Variants in TOP3A observed in about 807,000 individuals in gnomAD.
TOP3A encodes the protein DNA topoisomerase III alpha.
Under a neutral mutation model 111.3 loss-of-function variants are expected in TOP3A, and 64 were observed. The ratio of observed to expected loss-of-function variants is 0.57; its 90% CI spans 0.47 to 0.71. TOP3A has a LOEUF of 0.71. Ranked by LOEUF, TOP3A falls within the 30% of genes least tolerant of loss-of-function variation. The pLI, the probability that TOP3A is intolerant of heterozygous loss-of-function variation, is 0.00. For missense variants in TOP3A, 1,104 were observed against 1,285.0 expected, an observed-to-expected ratio of 0.86 and a Z score of 2.15; for synonymous variants, 484 against 485.1, an observed-to-expected ratio of 1.00 and a Z score of 0.03.
intron 4 of TOP3A, among the ~76,000 whole-genome samples, chr17:18,306,263 C>CT (rs1454866903): frequency 6.6e-6 from 1 of 152,156 alleles, no homozygotes; most frequent in Non-Finnish European, 1.5e-5. Flanking sequence ...GCCCTGACTG[C>CT]TTGACAACTG....
chr17:18,300,794 T>C (rs1325006400), intron 8 of TOP3A, among the ~76,000 whole-genome samples: 2 of 152,130 alleles, frequency 1.3e-5, no homozygotes, highest in Non-Finnish European at 2.9e-5. Flanking sequence ...AACAAATAAT[T>C]GTACAGTGTC....
chr17:18,287,277 T>C (rs1980162730), intron 13 of TOP3A, among the ~76,000 whole-genome samples: 1 of 152,068 alleles, frequency 6.6e-6, no homozygotes, highest in Non-Finnish European at 1.5e-5. Context: ...CTCAGGCCTA[T>C]AATCCCAGCA....
At chr17:18,290,785 A>C (rs1462919630) in intron 12 of TOP3A, 57 bp downstream of exon 12, 1 of 1,595,656 alleles carries the variant, frequency 6.3e-7, no homozygotes, top group Admixed American at 1.7e-5. Context: ...TCCACTAGAG[A>C]ACTCAGGGCT....
At chr17:18,286,372 C>T (rs913119331) in intron 13 of TOP3A, among the ~76,000 whole-genome samples, 1 of 145,620 alleles carries the variant, frequency 6.9e-6, no homozygotes, top group Non-Finnish European at 1.5e-5. Context: ...AAAAATTAGC[C>T]GGGTGTGGTG....
In TOP3A at chr17:18,301,989, T is replaced by C. The variant is rs1199212416; in HGVS notation, c.815-4A>G. ...CCATCTTTGTGGTCATGAGTTACTATATTAAGGAGAGACAAACAGAAAGGC... is the reference window on the plus strand; with the variant it reads ...CCATCTTTGTGGTCATGAGTTACTACATTAAGGAGAGACAAACAGAAAGGC... On this transcript the variant is annotated splice_polypyrimidine_tract_variant and splice_region_variant and intron_variant, in intron 7 of 18. Coordinates refer to ENST00000321105, the MANE Select transcript of TOP3A (RefSeq NM_004618.5). 9.3e-6 allele frequency: 15 copies of C among 1,612,310 alleles called. No individual in the cohort carries two copies. The highest frequency in any genetic ancestry group is 1.3e-5 in the African/African-American group (1 of 74,868).
Position 18,288,490 on chromosome 17 carries a change from C to T in TOP3A, c.1597+2067G>A, listed in dbSNP as rs115185509. 5.2e-3 allele frequency among the ~76,000 whole-genome samples: 784 copies of T among 152,128 alleles called. 7 individuals carry two copies. The highest frequency in any genetic ancestry group is 0.018 in the African/African-American group (763 of 41,492). ...TATTATTATTTTTTTGTAAGTGTAC[C>T]TCTATGTGGTTCCTTTACTTAGAAA... On this transcript the variant is annotated intron_variant, in intron 13 of 18. Coordinates refer to ENST00000321105, the MANE Select transcript of TOP3A (RefSeq NM_004618.5).
Position 18,285,199 on chromosome 17 carries a change from CT to C in TOP3A, c.1819del (p.Arg607GlyfsTer110). 6.2e-7 allele frequency: 1 copy of C among 1,614,202 alleles called. No individual in the cohort carries two copies. Among genetic ancestry groups the C allele is most frequent in the Non-Finnish European group, 8.5e-7 (1 of 1,180,036 alleles). ...DGKKDKFVVL[R>X]QQVQKYKQVF... ...CTGCTTGTATTTCTGCACTTGCTGC[CT>C]TAGAACCACAAATTTGTCCTTTTTG... On this transcript the variant is annotated frameshift_variant, in exon 15 of 19. Transcript: ENST00000321105. LOFTEE classifies it high-confidence loss of function.
At chr17:18,301,800 G>A (rs1981241391) in intron 8 of TOP3A, 85 bp downstream of exon 8, 2 of 1,156,308 alleles carry the variant, frequency 1.7e-6, no homozygotes, top group Non-Finnish European at 2.5e-6. Flanking sequence ...AGTCCAATGG[G>A]AGAATGAGAC....
Position 18,305,188 on chromosome 17 carries a change from C to G in TOP3A, c.423G>C (p.Gln141His). ...CACAGTCAGTCCAGATCACCAGAGCCTGGCACTGGCGAGTCTCTCGTTCCA... is the reference window on the plus strand; with the variant it reads ...CACAGTCAGTCCAGATCACCAGAGCGTGGCACTGGCGAGTCTCTCGTTCCA... ...KTLERETRQC[Q>H]ALVIWTDCDR... The change falls in exon 5 of 19, where the codon CAG (glutamine) becomes CAC (histidine). Residue 141 changes from glutamine (Q) to histidine (H), a missense_variant. Coordinates refer to ENST00000321105, the MANE Select transcript of TOP3A (RefSeq NM_004618.5). 6.2e-7 allele frequency: 1 copy of G among 1,614,200 alleles called. No homozygotes were observed. The highest frequency in any genetic ancestry group is 8.5e-7 in the Non-Finnish European group (1 of 1,180,038).
At chr17:18,304,429 A>T (rs954469200) in intron 5 of TOP3A, among the ~76,000 whole-genome samples, 4 of 152,202 alleles carry the variant, frequency 2.6e-5, no homozygotes, top group African/African-American at 9.7e-5. Flanking sequence ...TCCAGGAGTC[A>T]TTACAGCTTT....
At chr17:18,288,267 C>G (rs1980249327) in intron 13 of TOP3A, among the ~76,000 whole-genome samples, 1 of 150,380 alleles carries the variant, frequency 6.6e-6, no homozygotes, top group Admixed American at 6.6e-5. Context: ...ATTCTCCTGC[C>G]TCAGCCTCCT....
In TOP3A at chr17:18,302,539, A is replaced by C. The variant is rs77495973; in HGVS notation, c.643+41T>G. The C allele has an allele frequency of 8.9e-3, 14,328 of 1,606,978 alleles. 98 individuals are homozygous for C. The highest frequency in any genetic ancestry group is 0.024 in the African/African-American group (1,770 of 74,888). The stretch of plus-strand genomic sequence containing the variant: ...AGCCCATTTTTGGTCCCATAACACA[A>C]CATTAATGTGGCCATGGGAGAGGTC... On this transcript the variant is annotated intron_variant, in intron 6 of 18. Transcript: ENST00000321105.
rs1412414973 is a variant in TOP3A, at chr17:18,274,969, C to T, written c.2839G>A (p.Ala947Thr). ...DENTAPGTSG[A>T]PSWTGDRGRT... ...CCTCTGTCTCCTGTCCAGGACGGGG[C>T]TCCAGAAGTCCCTGTCGGGAGAGTC... is the stretch of plus-strand genomic sequence containing the variant. The change falls in exon 19 of 19, where the codon GCC (alanine) becomes ACC (threonine). Residue 947 changes from alanine (A) to threonine (T), a missense_variant. Ala to Thr is a moderately conservative substitution (Grantham distance 58). Coordinates refer to ENST00000321105, the MANE Select transcript of TOP3A (RefSeq NM_004618.5). 7.4e-6 allele frequency: 12 copies of T among 1,613,506 alleles called. No homozygotes were observed. The Admixed American group carries it at 1.7e-4, about 22-fold the overall frequency.
intron 15 of TOP3A, among the ~76,000 whole-genome samples, chr17:18,284,267 C>T (rs1979952826): frequency 6.6e-6 from 1 of 151,984 alleles, no homozygotes; most frequent in African/African-American, 2.4e-5. Flanking sequence ...CCGCCTCGGC[C>T]TCCCAAAGTG....
rs763302866 is a variant in TOP3A, at chr17:18,301,992, T to C, written c.815-7A>G. The stretch of plus-strand genomic sequence containing the variant: ...TCTTTGTGGTCATGAGTTACTATAT[T>C]AAGGAGAGACAAACAGAAAGGCTGT... On this transcript the variant is annotated splice_polypyrimidine_tract_variant and splice_region_variant and intron_variant, in intron 7 of 18. Transcript: ENST00000321105. 27 of 1,611,458 alleles carry C rather than the reference T, an allele frequency of 1.7e-5. No individual in the cohort carries two copies. Among genetic ancestry groups the C allele is most frequent in the Non-Finnish European group, 2.2e-5 (26 of 1,177,770 alleles).
At chr17:18,304,059 G>A (rs947242089) in intron 5 of TOP3A, among the ~76,000 whole-genome samples, 2 of 152,078 alleles carry the variant, frequency 1.3e-5, no homozygotes, top group African/African-American at 4.8e-5. Context: ...CTGCTTCCTG[G>A]GTTCAAGCAA....
At chr17:18,306,329 G>A (rs937467675) in intron 4 of TOP3A, among the ~76,000 whole-genome samples, 1 of 152,120 alleles carries the variant, frequency 6.6e-6, no homozygotes, top group African/African-American at 2.4e-5. Flanking sequence ...TCTAACAAGG[G>A]GTGAGATGGG....
At chr17:18,290,764 C>G in intron 12 of TOP3A, 78 bp from the exon 13 acceptor site, 1 of 1,585,930 alleles carries the variant, frequency 6.3e-7, no homozygotes, top group Non-Finnish European at 8.6e-7. Flanking sequence ...TTTCAAGGAA[C>G]ATGATCCTGC....
At chr17:18,283,272 G>A (rs1260653707) in intron 15 of TOP3A, among the ~76,000 whole-genome samples, 2 of 152,064 alleles carry the variant, frequency 1.3e-5, no homozygotes, top group Non-Finnish European at 1.5e-5. Flanking sequence ...AGGAGGCTGA[G>A]GCAGGAGAAT....
Sources: gnomAD v4.1 joint callset for allele counts (sites outside exome capture counted in the v4.1 genomes callset) on GRCh38, gnomAD v4.1.1 for gene constraint, MANE v1.5 for transcripts, NCBI Gene and HGNC (gene_info 2026-07-23, HGNC 2026-07-21) for gene names.